The following FBXO15 variants were observed in gnomAD, a reference collection of about 807,000 sequenced individuals.
FBXO15 encodes F-box protein 15.
Under a neutral mutation model 49.5 loss-of-function variants are expected in FBXO15, and 30 were observed. The ratio of observed to expected loss-of-function variants is 0.61; its 90% CI spans 0.45 to 0.82. The LOEUF is 0.82. Among genes scored for constraint, FBXO15 ranks in the 40% least tolerant of loss-of-function variants. The pLI is 0.00. For synonymous variants in FBXO15, 250 were observed against 232.7 expected, an observed-to-expected ratio of 1.07 and a Z score of -0.68; for missense variants, 591 against 631.5, an observed-to-expected ratio of 0.94 and a Z score of 0.69.
At chr18:74,130,934 C>A in intron 3 of FBXO15, 5 of 304,518 alleles carry the variant, frequency 1.6e-5, no homozygotes, top group East Asian at 7.4e-5. Context: ...TAGGATCATC[C>A]AAACGACTGC....
chr18:74,141,454 G>A (rs186823710), intron 1 of FBXO15, among the ~76,000 whole-genome samples: 257 of 152,222 alleles, frequency 1.7e-3, no homozygotes, highest in Non-Finnish European at 2.1e-3. Context: ...TTATGTATAC[G>A]CTCAGTTCAC....
chr18:74,075,015 C>T lies in FBXO15; in HGVS notation c.1264-1285G>A, dbSNP rs1018530136. The stretch of plus-strand genomic sequence containing the variant: ...CAGCAAAACCCCAGCCCCAGAGGAG[C>T]GCAGTTATTTTCTATCTGTCTGGAC... On this transcript the variant is annotated intron_variant, in intron 9 of 9. Transcript: ENST00000419743. This position sits in a 1 kb window ranked among gnomAD's most constrained non-coding sequence, Gnocchi z 4.1. 6.6e-6 allele frequency among the ~76,000 whole-genome samples: 1 copy of T among 152,178 alleles called. No individual in the cohort carries two copies. The highest frequency in any genetic ancestry group is 1.5e-5 in the Non-Finnish European group (1 of 68,038).
intron 8 of FBXO15, among the ~76,000 whole-genome samples, chr18:74,093,863 A>G (rs533448302): frequency 5.3e-5 from 8 of 152,326 alleles, no homozygotes; most frequent in Admixed American, 5.2e-4. Context: ...AAGGTTTTCA[A>G]TTGACTTTGC....
chr18:74,131,223 T>A (rs1161800587), intron 3 of FBXO15, among the ~76,000 whole-genome samples: 1 of 152,222 alleles, frequency 6.6e-6, no homozygotes. Context: ...TTGTCAACAC[T>A]TACTATGTGT....
At chr18:74,125,334 A>G (rs1914660353) in intron 6 of FBXO15, among the ~76,000 whole-genome samples, 1 of 152,204 alleles carries the variant, frequency 6.6e-6, no homozygotes, top group African/African-American at 2.4e-5. Flanking sequence ...ACAGTTGGCT[A>G]AGGAAAAGGG....
intron 9 of FBXO15, among the ~76,000 whole-genome samples, chr18:74,078,089 G>A (rs1290563805): frequency 1.3e-5 from 2 of 152,074 alleles, no homozygotes; most frequent in African/African-American, 2.4e-5. Context: ...TGGTGAGGAC[G>A]CTGCTCACAG....
intron 6 of FBXO15, among the ~76,000 whole-genome samples, chr18:74,125,239 C>G (rs555310330): frequency 6.6e-6 from 1 of 152,266 alleles, no homozygotes; most frequent in Admixed American, 6.5e-5. Context: ...ATGCGAGTCA[C>G]CGAATGCAGA....
chr18:74,089,387 G>C (rs1912912451), intron 8 of FBXO15, among the ~76,000 whole-genome samples: 1 of 152,120 alleles, frequency 6.6e-6, no homozygotes, highest in African/African-American at 2.4e-5. Flanking sequence ...CCTGCAAACA[G>C]GGATAATTTG....
chr18:74,112,194 C>G (rs761803557), intron 8 of FBXO15, among the ~76,000 whole-genome samples: 8 of 152,120 alleles, frequency 5.3e-5, no homozygotes, highest in African/African-American at 7.2e-5. Flanking sequence ...CTCTATGAGG[C>G]CAGCTTTGCT....
At chr18:74,102,790 T>A (rs1370720413) in intron 8 of FBXO15, among the ~76,000 whole-genome samples, 1 of 152,140 alleles carries the variant, frequency 6.6e-6, no homozygotes, top group Admixed American at 6.6e-5. Flanking sequence ...AAGGGATGAA[T>A]CAATGGCATT....
intron 8 of FBXO15, among the ~76,000 whole-genome samples, chr18:74,100,304 C>T (rs991374632): frequency 9.2e-5 from 14 of 152,140 alleles, no homozygotes; most frequent in African/African-American, 3.1e-4. Flanking sequence ...AAATAACCTG[C>T]TCCTGAGTGA....
At chr18:74,118,415 T>TATATATATATGTGTATATACAC (rs1414142160) in intron 8 of FBXO15, among the ~76,000 whole-genome samples, 84 of 89,178 alleles carry the variant, frequency 9.4e-4, no homozygotes, top group African/African-American at 6.9e-3. Flanking sequence ...TATATACACA[T>TATATATATATGTGTATATACAC]ATATATATAT....
chr18:74,106,166 A>T (rs1034215659), intron 8 of FBXO15, among the ~76,000 whole-genome samples: 2 of 147,960 alleles, frequency 1.4e-5, no homozygotes, highest in African/African-American at 5.0e-5. Context: ...TGTAATTTTT[A>T]TGTTAATCAA....
intron 8 of FBXO15, among the ~76,000 whole-genome samples, chr18:74,085,229 G>GAAA (rs541140562): frequency 2.7e-5 from 4 of 148,792 alleles, no homozygotes; most frequent in Admixed American, 2.0e-4. Flanking sequence ...AACAATCTTG[G>GAAA]AAAAAAAAAA....
intron 8 of FBXO15, among the ~76,000 whole-genome samples, chr18:74,094,641 T>C (rs1023485737): frequency 2.6e-5 from 4 of 152,226 alleles, no homozygotes; most frequent in African/African-American, 9.6e-5. Flanking sequence ...TATGCTGTCA[T>C]CTCGGCTGTG....
intron 9 of FBXO15, among the ~76,000 whole-genome samples, chr18:74,079,608 A>T (rs191330980): frequency 9.2e-4 from 135 of 146,456 alleles, no homozygotes; most frequent in African/African-American, 3.3e-3. Context: ...TGAGTTTTTT[A>T]AAAAAAGAAT....
At position 74,130,341 on chromosome 18, in the gene FBXO15, T is replaced by C. The variant is rs1252022132; in HGVS notation, c.575+75A>G. ...ATACTAGAGACAGTCCCACACAATC[T>C]AAACTGCACATACGTCCTACGTACA... On this transcript the variant is annotated intron_variant, in intron 4 of 9. Coordinates refer to ENST00000419743, the MANE Select transcript of FBXO15 (RefSeq NM_001142958.2). 4.9e-5 allele frequency: 76 copies of C among 1,559,710 alleles called. 1 individual carries two copies. Among genetic ancestry groups the C allele is most frequent in the Non-Finnish European group, 6.0e-5 (69 of 1,149,884 alleles).
At chr18:74,147,524 C>A in intron 1 of FBXO15, 146 bp downstream of exon 1, 1 of 1,257,928 alleles carries the variant, frequency 7.9e-7, no homozygotes, top group East Asian at 3.1e-5. Flanking sequence ...GGATTTCCTC[C>A]GGTCGTTCTT....
At chr18:74,106,269 T>A (rs569938074) in intron 8 of FBXO15, among the ~76,000 whole-genome samples, 1 of 152,144 alleles carries the variant, frequency 6.6e-6, no homozygotes, top group African/African-American at 2.4e-5. Context: ...CTTACCATAT[T>A]TACAAAAATT....
Sources: gnomAD v4.1 joint callset for allele counts (sites outside exome capture counted in the v4.1 genomes callset) on GRCh38, gnomAD v4.1.1 for gene constraint, Gnocchi (gnomAD v3.1) non-coding constraint, MANE v1.5 for transcripts, NCBI Gene and HGNC (gene_info 2026-07-23, HGNC 2026-07-21) for gene names.